Variants in HDC observed in about 807,000 individuals in gnomAD.
HDC encodes histidine decarboxylase.
Under a neutral mutation model 64.4 loss-of-function variants are expected in HDC, and 27 were observed. The observed-to-expected ratio is 0.42, with a 90% CI of 0.31 to 0.58. The LOEUF (loss-of-function observed/expected upper bound fraction) is 0.58. HDC is among the 20% of genes least tolerant of loss of function. The probability of loss-of-function intolerance (pLI) is 0.16; values close to 1 mark genes in which losing one functional copy is unlikely to be tolerated. For synonymous variants in HDC, 305 were observed against 314.2 expected, an observed-to-expected ratio of 0.97 and a Z score of 0.31; for missense variants, 711 against 833.9, an observed-to-expected ratio of 0.85 and a Z score of 1.81.
chr15:50,246,001 C>G (rs2045476812), intron 10 of HDC, among the ~76,000 whole-genome samples: 1 of 152,174 alleles, frequency 6.6e-6, no homozygotes, highest in Admixed American at 6.5e-5. Context: ...TTCTTTAAAG[C>G]ACTTCTCTGT....
chr15:50,254,736 TTTTCTCTCTCTCTCTC>T (rs1356487326), intron 4 of HDC, 72 bp from the exon 5 acceptor site: 30 of 1,223,848 alleles, frequency 2.5e-5, no homozygotes, highest in Middle Eastern at 4.6e-4. Context: ...CTTTCTAGTT[TTTTCTCTCTCTCTCTC>T]TCTCTCTCTC....
chr15:50,260,451 G>T (rs1567455794), intron 2 of HDC, among the ~76,000 whole-genome samples: 1 of 152,158 alleles, frequency 6.6e-6, no homozygotes, highest in East Asian at 1.9e-4. Context: ...GTCTCCTAGG[G>T]TTGTTGTGTG....
In HDC at chr15:50,242,893, G is replaced by T. The variant is rs1422956182; in HGVS notation, c.1356C>A (p.Ser452=). ...DKLIIRFTVT[S]QFTTRDDILR... Reference sequence around the variant, plus strand: ...GGATGTCATCCCTAGTGGTAAACTGGGATGTCACAGTGAAACGGATGATTA... The same window carrying T: ...GGATGTCATCCCTAGTGGTAAACTGTGATGTCACAGTGAAACGGATGATTA... The change falls in exon 12 of 12, where the codon TCC becomes TCA. Residue 452 remains serine, a synonymous_variant. Coordinates refer to ENST00000267845, the MANE Select transcript of HDC (RefSeq NM_002112.4). The T allele has an allele frequency of 5.0e-6, 8 of 1,614,138 alleles. No homozygotes were observed. The highest frequency in any genetic ancestry group is 1.1e-5 in the South Asian group (1 of 91,076).
At chr15:50,254,495 C>A (rs2045600500) in intron 5 of HDC, 35 bp downstream of exon 5, 1 of 1,613,842 alleles carries the variant, frequency 6.2e-7, no homozygotes, top group African/African-American at 1.3e-5. Flanking sequence ...AGCCAAGCAC[C>A]AACCCGAAGG....
rs768903364 is a variant in HDC at position 50,263,223 on chromosome 15, A to C, written c.204+12T>G. 9 of 1,613,780 alleles carry C rather than the reference A, an allele frequency of 5.6e-6. No individual in the cohort carries two copies. The highest frequency in any genetic ancestry group is 1.1e-5 in the South Asian group (1 of 91,066). On this transcript the variant is annotated intron_variant, in intron 2 of 11. Transcript: ENST00000267845. ...GAAATCCAGAACTGCCCTTGTGGTC[A>C]CTGTGTCTCACCCCAGGCATGATGA...
chr15:50,254,683 A>G lies in HDC; in HGVS notation c.442-19T>C. The G allele has an allele frequency of 1.2e-6, 2 of 1,613,302 alleles. No homozygotes were observed. The highest frequency in any genetic ancestry group is 1.3e-5 in the African/African-American group (1 of 74,794). On this transcript the variant is annotated intron_variant, in intron 4 of 11. Transcript: ENST00000267845. ...CCGTGCTCTGCAGGGGAAAAGGATT[A>G]TCATGGCAGCCTTTCTGTATTCTCT...
intron 1 of HDC, among the ~76,000 whole-genome samples, chr15:50,264,450 T>C (rs758460541): frequency 6.6e-6 from 1 of 152,030 alleles, no homozygotes; most frequent in Non-Finnish European, 1.5e-5. Context: ...GGATATTTTT[T>C]AGATGCTAAA....
At position 50,263,862 on chromosome 15, in the gene HDC, G is replaced by A. The variant is rs527410746; in HGVS notation, c.32-455C>T. Among the ~76,000 whole-genome samples, 4 of 152,320 alleles carry A rather than the reference G, an allele frequency of 2.6e-5. No homozygotes were observed. The South Asian group carries it at 6.2e-4, about 24-fold the overall frequency. ...ACCTTATCTTCAGAATTTAAAAAAA[G>A]AGTGAGGGAGTGAATGAATGATGGA... On this transcript the variant is annotated intron_variant, in intron 1 of 11. Transcript: ENST00000267845.
At position 50,248,210 on chromosome 15, in the gene HDC, C is replaced by T. The variant is rs758474618; in HGVS notation, c.1140+35G>A. The T allele has an allele frequency of 6.9e-7, 1 of 1,444,234 alleles. No homozygotes were observed. Among genetic ancestry groups the T allele is most frequent in the Non-Finnish European group, 9.7e-7 (1 of 1,025,986 alleles). The allele number at this position is 1,444,234 out of a possible 1,614,324, so 89.5% of individuals were successfully genotyped here. On this transcript the variant is annotated intron_variant, in intron 10 of 11. Coordinates refer to ENST00000267845, the MANE Select transcript of HDC (RefSeq NM_002112.4). The surrounding 1 kb of genome is among the most constrained non-coding windows in gnomAD (Gnocchi z 4.3). ...TCCTCGCCATGAGAAAACAGAGGAA[C>T]ACAGGCTCAGCCCCCACAGCAGCAT...
In HDC at chr15:50,254,518, C is replaced by T. The variant is rs759474905; in HGVS notation, c.576+12G>A. On this transcript the variant is annotated intron_variant, in intron 5 of 11. Coordinates refer to ENST00000267845, the MANE Select transcript of HDC (RefSeq NM_002112.4). ...ACCAACCCGAAGGGCTGTCCTGCGT[C>T]GGGCAACTCACCTGGTCAGAGGCAT... The T allele has an allele frequency of 6.1e-5, 99 of 1,614,062 alleles. No homozygotes were observed. The highest frequency in any genetic ancestry group is 1.1e-4 in the East Asian group (5 of 44,898).
Position 50,258,359 on chromosome 15 carries a change from C to G in HDC, c.318+45G>C, listed in dbSNP as rs369659960. 3 of 1,087,756 alleles carry G rather than the reference C, an allele frequency of 2.8e-6. No homozygotes were observed. In the African/African-American group the frequency reaches 4.6e-5, roughly 17 times the overall value. 67.4% of individuals were successfully genotyped at this position (1,087,756 alleles called of 1,614,324 possible). Reference sequence around the variant, plus strand: ...TATGTCTGCCCTAGGATACCACTCCCTGCTACGTTCCCCATTGCGAGTAGT... The same window carrying G: ...TATGTCTGCCCTAGGATACCACTCCGTGCTACGTTCCCCATTGCGAGTAGT... On this transcript the variant is annotated intron_variant, in intron 3 of 11. Transcript: ENST00000267845.
At position 50,263,419 on chromosome 15, in the gene HDC, A is replaced by G. The variant is rs1375585422; in HGVS notation, c.32-12T>C. 6.2e-7 allele frequency: 1 copy of G among 1,613,786 alleles called. No homozygotes were observed. The highest frequency in any genetic ancestry group is 1.7e-5 in the Admixed American group (1 of 59,992). Reference sequence around the variant, plus strand: ...CACCATCTCTCTCCCTAGAAGTGACATAGAGAAATCAGGCTGAAATCCCCT... The same window carrying G: ...CACCATCTCTCTCCCTAGAAGTGACGTAGAGAAATCAGGCTGAAATCCCCT... On this transcript the variant is annotated splice_polypyrimidine_tract_variant and intron_variant, in intron 1 of 11. Coordinates refer to ENST00000267845, the MANE Select transcript of HDC (RefSeq NM_002112.4).
chr15:50,250,714 C>A (rs534453749), intron 9 of HDC, among the ~76,000 whole-genome samples: 1 of 152,282 alleles, frequency 6.6e-6, no homozygotes, highest in Non-Finnish European at 1.5e-5. Context: ...AGATATCTGA[C>A]CCTTGGGCTG....
chr15:50,254,736 T>TTTTCTCTCTCTC, intron 4 of HDC, 72 bp from the exon 5 acceptor site: 4 of 1,223,548 alleles, frequency 3.3e-6, no homozygotes, highest in Non-Finnish European at 4.5e-6. Flanking sequence ...CTTTCTAGTT[T>TTTTCTCTCTCTC]TTTCTCTCTC....
Position 50,243,198 on chromosome 15 carries a change from G to A in HDC, c.1187C>T (p.Pro396Leu). The A allele has an allele frequency of 6.2e-7, 1 of 1,614,076 alleles. No individual in the cohort carries two copies. The change falls in exon 11 of 12, where the codon CCT becomes CTT. Residue 396 changes from proline (P) to leucine (L), a missense_variant. By Grantham distance (98) the Pro-to-Leu change is moderately conservative. Around this residue, in one of 3 missense-constraint regions of HDC, gnomAD observed 483 missense variants for 540.9 expected, o/e 0.89. Transcript: ENST00000267845. ...KYFESLVRND[P>L]SFEIPAKRHL... ...CCTCTTGGCAGGAATTTCAAAGGAA[G>A]GGTCGTTTCTGACCAGAGATTCAAA...
chr15:50,265,207 A>T (rs2045751677), intron 1 of HDC, among the ~76,000 whole-genome samples: 1 of 148,156 alleles, frequency 6.7e-6, no homozygotes, highest in African/African-American at 2.4e-5. Flanking sequence ...ATGAATGTTA[A>T]GAAAGAAAGG....
At position 50,242,020 on chromosome 15, in the gene HDC, T is replaced by C. The variant is rs1032405944; in HGVS notation, c.*240A>G. 6 of 584,728 alleles carry C rather than the reference T, an allele frequency of 1.0e-5. No homozygotes were observed. In the South Asian group the frequency reaches 1.1e-4, roughly 10 times the overall value. 36.2% of individuals were successfully genotyped at this position (584,728 alleles called of 1,614,324 possible). A position where few individuals can be genotyped will look rare whatever the true frequency, so the allele number is the denominator to read the frequency against. On this transcript the variant is annotated 3_prime_UTR_variant, in exon 12 of 12. Coordinates refer to ENST00000267845, the MANE Select transcript of HDC (RefSeq NM_002112.4). ...CACAAGCTGAACCACAGAAGCTGCC[T>C]GTCTACCCTCGGCCCTTTCTCACTG... is the stretch of plus-strand genomic sequence containing the variant.
chr15:50,254,394 G>C, intron 5 of HDC, 121 bp from the exon 6 acceptor site: 1 of 1,524,012 alleles, frequency 6.6e-7, no homozygotes, highest in Non-Finnish European at 9.1e-7. Flanking sequence ...CTTCCCTACA[G>C]TTGCTGGAGA....
intron 4 of HDC, among the ~76,000 whole-genome samples, chr15:50,255,840 T>G (rs1339024400): frequency 6.6e-6 from 1 of 152,136 alleles, no homozygotes; most frequent in African/African-American, 2.4e-5. Flanking sequence ...CCATCTGTAT[T>G]GCAATTCATA....
Sources: gnomAD v4.1 joint callset for allele counts (sites outside exome capture counted in the v4.1 genomes callset) on GRCh38, gnomAD v4.1.1 for gene constraint, gnomAD v4.1.1 regional missense constraint, Gnocchi (gnomAD v3.1) non-coding constraint, MANE v1.5 for transcripts, NCBI Gene and HGNC (gene_info 2026-07-23, HGNC 2026-07-21) for gene names.